CAMK1D: variants seen among roughly 807,000 people sequenced by gnomAD.
CAMK1D encodes calcium/calmodulin-dependent protein kinase type 1D.
CAMK1D carries 9 observed loss-of-function variants against 47.7 expected under a neutral mutation model. The ratio of observed to expected loss-of-function variants is 0.19; its 90% CI spans 0.11 to 0.33. The LOEUF is 0.33. CAMK1D is among the 10% of genes least tolerant of loss of function. The pLI is 1.00. For synonymous variants in CAMK1D, 184 were observed against 184.9 expected (o/e 0.99, Z 0.04); for missense variants, 291 against 488.7 (o/e 0.60, Z 3.81).
At chr10:12,596,632 A>C (rs1245420877) in intron 2 of CAMK1D, among the ~76,000 whole-genome samples, 1 of 152,062 alleles carries the variant, frequency 6.6e-6, no homozygotes. Flanking sequence ...GAGGTATTGA[A>C]ACTTAGGGAG....
In CAMK1D at chr10:12,643,839, A is replaced by G. The variant is rs11813912; in HGVS notation, c.225-22897A>G. Among the ~76,000 whole-genome samples, 1,504 of 151,224 alleles carry G rather than the reference A, an allele frequency of 9.9e-3. 21 individuals carry two copies. The highest frequency in any genetic ancestry group is 0.035 in the African/African-American group (1,421 of 41,070). On this transcript the variant is annotated intron_variant, in intron 2 of 10. Coordinates refer to ENST00000619168, the MANE Select transcript of CAMK1D (RefSeq NM_153498.4). Reference sequence around the variant, plus strand: ...GCGGAGGTTGCAGTGAGCTGAGATCATGCTACTACACTCCAGCCCGGGCGA... The same window carrying G: ...GCGGAGGTTGCAGTGAGCTGAGATCGTGCTACTACACTCCAGCCCGGGCGA...
chr10:12,551,744 A>T (rs1836589937), intron 1 of CAMK1D, among the ~76,000 whole-genome samples: 1 of 152,164 alleles, frequency 6.6e-6, no homozygotes, highest in Non-Finnish European at 1.5e-5. Flanking sequence ...TCTCAAAAAA[A>T]TGAAATAAAG....
In CAMK1D at chr10:12,686,013, A is replaced by G. The variant is rs117062448; in HGVS notation, c.299+19203A>G. 1.8e-3 allele frequency among the ~76,000 whole-genome samples: 278 copies of G among 152,236 alleles called. 2 individuals are homozygous for G. Among genetic ancestry groups the G allele is most frequent in the Middle Eastern group, 0.017 (5 of 294 alleles). On this transcript the variant is annotated intron_variant, in intron 3 of 10. Transcript: ENST00000619168. ...TGATACATTCACTGTGTAGATAAAG[A>G]CACACAGTTTTCTGGATTAGAATCA...
intron 1 of CAMK1D, among the ~76,000 whole-genome samples, chr10:12,356,934 T>C (rs1255196744): frequency 6.6e-6 from 1 of 152,108 alleles, no homozygotes; most frequent in African/African-American, 2.4e-5. Context: ...GAGATTTGTG[T>C]GCTCTCAGGG....
intron 3 of CAMK1D, among the ~76,000 whole-genome samples, chr10:12,671,063 T>C (rs753942403): frequency 6.6e-6 from 1 of 152,232 alleles, no homozygotes; most frequent in Non-Finnish European, 1.5e-5. Flanking sequence ...ATGTGATCTT[T>C]CGTGACTAGA....
In CAMK1D at chr10:12,717,537, C is replaced by T. The variant is rs542652872; in HGVS notation, c.300-43411C>T. On this transcript the variant is annotated intron_variant, in intron 3 of 10. Coordinates refer to ENST00000619168, the MANE Select transcript of CAMK1D (RefSeq NM_153498.4). ...AACAATACATGTACATTTTTCTCCACGAAAAAAAGATTTTGACCAGCCCAG... is the reference window on the plus strand; with the variant it reads ...AACAATACATGTACATTTTTCTCCATGAAAAAAAGATTTTGACCAGCCCAG... Among the ~76,000 whole-genome samples, 4 of 151,242 alleles carry T rather than the reference C, an allele frequency of 2.6e-5. No individual in the cohort carries two copies. The South Asian group carries it at 6.3e-4, about 24-fold the overall frequency.
chr10:12,557,869 T>G (rs537787855), intron 2 of CAMK1D, among the ~76,000 whole-genome samples: 1 of 152,364 alleles, frequency 6.6e-6, no homozygotes, highest in South Asian at 2.1e-4. Flanking sequence ...TATTGTAGGC[T>G]GAGAAATTTA....
At chr10:12,760,672 C>T (rs1836459624) in intron 3 of CAMK1D, 1 of 302,650 alleles carries the variant, frequency 3.3e-6, no homozygotes, top group Non-Finnish European at 6.3e-6. Flanking sequence ...TTTACATCAT[C>T]ACAGCAGAAC....
chr10:12,508,603 G>A (rs1834948010), intron 1 of CAMK1D, among the ~76,000 whole-genome samples: 2 of 152,216 alleles, frequency 1.3e-5, no homozygotes, highest in African/African-American at 4.8e-5. Context: ...TGTACCTAGT[G>A]CCACTGAACT....
intron 3 of CAMK1D, among the ~76,000 whole-genome samples, chr10:12,671,017 T>C (rs1386242922): frequency 6.6e-6 from 1 of 152,240 alleles, no homozygotes; most frequent in East Asian, 1.9e-4. Context: ...TGGATTTGCC[T>C]GTTTTAGACT....
At chr10:12,668,766 T>C (rs1223716086) in intron 3 of CAMK1D, among the ~76,000 whole-genome samples, 4 of 152,128 alleles carry the variant, frequency 2.6e-5, no homozygotes, top group African/African-American at 9.7e-5. Flanking sequence ...ACAAAAGTTA[T>C]CGCAAATATG....
chr10:12,469,496 T>C (rs1022957792), intron 1 of CAMK1D, among the ~76,000 whole-genome samples: 9 of 152,142 alleles, frequency 5.9e-5, no homozygotes, highest in Non-Finnish European at 1.3e-4. Flanking sequence ...ATTCTCTTTC[T>C]AGGTTTGCCG....
chr10:12,641,636 GA>G lies in CAMK1D; in HGVS notation c.225-25093del, dbSNP rs1368119760. Among the ~76,000 whole-genome samples the G allele has an allele frequency of 1.1e-4, 16 of 151,016 alleles. No individual in the cohort carries two copies. The South Asian group carries it at 1.7e-3, about 16-fold the overall frequency. Reference sequence around the variant, plus strand: ...CCCCATCTCAAAAAAAAAAAGCAAAGAAAAAAAGAGAAACATTTAAACTGAT... The same window carrying G: ...CCCCATCTCAAAAAAAAAAAGCAAAGAAAAAAGAGAAACATTTAAACTGAT... On this transcript the variant is annotated intron_variant, in intron 2 of 10. Coordinates refer to ENST00000619168, the MANE Select transcript of CAMK1D (RefSeq NM_153498.4).
intron 5 of CAMK1D, among the ~76,000 whole-genome samples, chr10:12,771,677 A>G (rs1837046362): frequency 6.6e-6 from 1 of 152,202 alleles, no homozygotes; most frequent in South Asian, 2.1e-4. Flanking sequence ...GGGGGGCTCA[A>G]TTCCCTGGAT....
In CAMK1D at chr10:12,833,603, TCAG is replaced by T. The variant is rs1833455796; in HGVS notation, c.*4718_*4720del. The T allele has an allele frequency of 6.6e-6, 1 of 152,224 alleles. No homozygotes were observed. The highest frequency in any genetic ancestry group is 1.5e-5 in the Non-Finnish European group (1 of 68,048). 9.4% of individuals were successfully genotyped at this position (152,224 alleles called of 1,614,324 possible). ...TGGAAGTAGGGCCACTGCCGCAGCT[TCAG>T]CCAGAGCCCTCGCTGCTTCGCAGAA... is the stretch of plus-strand genomic sequence containing the variant. On this transcript the variant is annotated 3_prime_UTR_variant, in exon 11 of 11. Coordinates refer to ENST00000619168, the MANE Select transcript of CAMK1D (RefSeq NM_153498.4).
At chr10:12,355,171 G>A (rs534551011) in intron 1 of CAMK1D, among the ~76,000 whole-genome samples, 17 of 152,220 alleles carry the variant, frequency 1.1e-4, no homozygotes, top group African/African-American at 4.1e-4. Flanking sequence ...GACTGTACTA[G>A]TAGCACAATA....
chr10:12,504,225 T>TACACAC (rs111662084), intron 1 of CAMK1D, among the ~76,000 whole-genome samples: 11,791 of 147,626 alleles, frequency 0.08, 535 homozygotes, highest in East Asian at 0.18. Context: ...ATACACATTT[T>TACACAC]ACACACACAC....
At chr10:12,774,194 C>T (rs112838475) in intron 5 of CAMK1D, among the ~76,000 whole-genome samples, 5 of 152,152 alleles carry the variant, frequency 3.3e-5, no homozygotes, top group South Asian at 2.1e-4. Context: ...TAAGTTCATT[C>T]GTGTGTTAGG....
rs1833433226 is a variant in CAMK1D, at chr10:12,832,387, T to A, written c.*3500T>A. 6.6e-6 allele frequency: 1 copy of A among 152,232 alleles called. No homozygotes were observed. The highest frequency in any genetic ancestry group is 1.5e-5 in the Non-Finnish European group (1 of 68,140). The allele number at this position is 152,232 out of a possible 1,614,324, so 9.4% of individuals were successfully genotyped here. A position where few individuals can be genotyped will look rare whatever the true frequency, so the allele number is the denominator to read the frequency against. The stretch of plus-strand genomic sequence containing the variant: ...GGTCCGGAGCCTCAGAATGAAGTGG[T>A]GCAGAGGCGCAGGGCACACCTAGGA... On this transcript the variant is annotated 3_prime_UTR_variant, in exon 11 of 11. Transcript: ENST00000619168.
Sources: gnomAD v4.1 joint callset for allele counts (sites outside exome capture counted in the v4.1 genomes callset) on GRCh38, gnomAD v4.1.1 for gene constraint, MANE v1.5 for transcripts, NCBI Gene and HGNC (gene_info 2026-07-23, HGNC 2026-07-21) for gene names.